Variants in MATN4 observed in about 807,000 individuals in gnomAD.
MATN4 encodes matrilin 4, also known as matrilin-4.
MATN4 carries 40 observed loss-of-function variants against 54.6 expected under a neutral mutation model. The ratio of observed to expected loss-of-function variants is 0.73; its 90% CI spans 0.57 to 0.95. The LOEUF is 0.95. Ranked by LOEUF, MATN4 falls within the 40% of genes least tolerant of loss-of-function variation. MATN4 has a pLI of 0.00. For synonymous variants in MATN4, 351 were observed against 345.3 expected (o/e 1.02, Z -0.18); for missense variants, 810 against 819.1 (o/e 0.99, Z 0.13).
chr20:45,307,254 C>T (rs1426814964), intron 1 of MATN4, among the ~76,000 whole-genome samples: 1 of 152,148 alleles, frequency 6.6e-6, no homozygotes, highest in Non-Finnish European at 1.5e-5. Flanking sequence ...GCCCCTAACC[C>T]AACAGCAGCT....
At position 45,304,553 on chromosome 20, in the gene MATN4, A is replaced by G. The variant is rs1986453702; in HGVS notation, c.318T>C (p.Pro106=). The G allele has an allele frequency of 6.3e-7, 1 of 1,597,360 alleles. No homozygotes were observed. The highest frequency in any genetic ancestry group is 1.1e-5 in the South Asian group (1 of 90,658). Reference sequence around the variant, plus strand: ...GTCCCGTCATGGTGCCTTGCGCCAGAGGCACCAGGTCGCGGATGGCGCGCT... The same window carrying G: ...GTCCCGTCATGGTGCCTTGCGCCAGGGGCACCAGGTCGCGGATGGCGCGCT... ...DMERAIRDLV[P]LAQGTMTGLA... Residue 106 remains proline (P), a synonymous_variant, in exon 3 of 10, where the codon CCT becomes CCC. Transcript: ENST00000372756.
upstream of MATN4, chr20:45,308,415 G>A: frequency 3.3e-6 from 2 of 597,162 alleles, no homozygotes; most frequent in Non-Finnish European, 6.0e-6. Flanking sequence ...CCTGAGGGGG[G>A]GCAAACCCAG....
Position 45,298,248 on chromosome 20 carries a change from G to T in MATN4, c.1348C>A (p.Pro450Thr). 1 of 1,612,382 alleles carries T rather than the reference G, an allele frequency of 6.2e-7. No homozygotes were observed. Among genetic ancestry groups the T allele is most frequent in the African/African-American group, 1.3e-5 (1 of 75,028 alleles). The change falls in exon 7 of 10, where the codon CCT (proline) becomes ACT (threonine). Residue 450 changes from proline to threonine, a missense_variant. Transcript: ENST00000372756. This position sits in a 1 kb window ranked among gnomAD's most constrained non-coding sequence, Gnocchi z 4.6. ...QGARPRALNV[P>T]RVGLVFTDGR... ...TCCGTGAAGACCAGGCCAACACGAG[G>T]CACGTTAAGGGCACGGGGCCGTGCA...
Position 45,293,900 on chromosome 20 carries a change from A to G in MATN4, c.1687+8T>C. 2 of 1,605,734 alleles carry G rather than the reference A, an allele frequency of 1.2e-6. No individual in the cohort carries two copies. The highest frequency in any genetic ancestry group is 1.7e-6 in the Non-Finnish European group (2 of 1,178,910). On this transcript the variant is annotated splice_region_variant and intron_variant, in intron 9 of 9. Transcript: ENST00000372756. ...CCTCCAGCCCGCGCCACCAGCCCCA[A>G]AGGATATGGTTCAGCGTCAGGCTCT...
chr20:45,295,142 T>C (rs1387161872), intron 8 of MATN4, among the ~76,000 whole-genome samples: 1 of 152,212 alleles, frequency 6.6e-6, no homozygotes, highest in Admixed American at 6.5e-5. Flanking sequence ...TGTAATGTGC[T>C]TGAACCATCC....
rs1985649717 is a variant in MATN4, at chr20:45,293,990, C to T, written c.1605G>A (p.Glu535=). The T allele has an allele frequency of 2.5e-6, 4 of 1,602,940 alleles. No homozygotes were observed. Among genetic ancestry groups the T allele is most frequent in the Non-Finnish European group, 3.4e-6 (4 of 1,179,766 alleles). ...CPEEGISAGT[E]LRSPCECESL... is the part of the protein sequence containing the mutation. ...TTTCGCATTCGCATGGGCTCCGAAG[C>T]TCTGTCCCTGCGCTGATGCCCTCCT... The change falls in exon 9 of 10, where the codon GAG becomes GAA. Residue 535 remains glutamate (E), a synonymous_variant. Coordinates refer to ENST00000372756, the MANE Select transcript of MATN4 (RefSeq NM_001393530.1).
intron 1 of MATN4, chr20:45,307,060 G>A (rs1258184405): frequency 7.2e-6 from 4 of 554,820 alleles, no homozygotes; most frequent in African/African-American, 4.8e-5. Flanking sequence ...GAGGCAGCCC[G>A]CCGAACTGCA....
chr20:45,299,505 T>C (rs1240808996), intron 6 of MATN4, among the ~76,000 whole-genome samples: 2 of 152,174 alleles, frequency 1.3e-5, no homozygotes, highest in Non-Finnish European at 1.5e-5. Context: ...CTTTATGTGA[T>C]AGTCTCCGGA....
rs767116071 is a variant in MATN4, at chr20:45,304,328, C to A, written c.543G>T (p.Leu181=). 6.6e-7 allele frequency: 1 copy of A among 1,518,688 alleles called. No individual in the cohort carries two copies. The highest frequency in any genetic ancestry group is 1.4e-5 in the African/African-American group (1 of 69,810). The allele number at this position is 1,518,688 out of a possible 1,614,324, so 94.1% of individuals were successfully genotyped here. The change falls in exon 3 of 10, where the codon CTG becomes CTT. Residue 181 remains leucine (L), a synonymous_variant. Coordinates refer to ENST00000372756, the MANE Select transcript of MATN4 (RefSeq NM_001393530.1). ...CTAGCGGGGGCGATGCCATGGCGCG[C>A]AGGGAGCCCACGTCCGCGCGCTGCA... ...VGVQRADVGS[L]RAMASPPLDE...
At chr20:45,294,983 T>C (rs911650138) in intron 8 of MATN4, among the ~76,000 whole-genome samples, 3 of 152,180 alleles carry the variant, frequency 2.0e-5, no homozygotes, top group Non-Finnish European at 4.4e-5. Context: ...TGCCTGATGA[T>C]CTGTCACTGT....
At position 45,308,182 on chromosome 20, in the gene MATN4, T is replaced by C; in HGVS notation, c.-42A>G. The C allele has an allele frequency of 6.2e-7, 1 of 1,614,050 alleles. No homozygotes were observed. Among genetic ancestry groups the C allele is most frequent in the East Asian group, 2.2e-5 (1 of 44,876 alleles). ...CCCAATCCTTTGACTCACCTGAGCC[T>C]GCAGGACAGATCAGAGATGCAGCTG... On this transcript the variant is annotated 5_prime_UTR_variant, in exon 1 of 10. Transcript: ENST00000372756.
At chr20:45,296,319 T>C (rs1452213087) in intron 8 of MATN4, among the ~76,000 whole-genome samples, 1 of 148,236 alleles carries the variant, frequency 6.7e-6, no homozygotes, top group African/African-American at 2.5e-5. Flanking sequence ...GGATTACACG[T>C]GGTGAAATAA....
intron 3 of MATN4, among the ~76,000 whole-genome samples, chr20:45,301,901 T>C (rs1600697935): frequency 6.6e-6 from 1 of 150,850 alleles, no homozygotes; most frequent in Admixed American, 6.6e-5. Flanking sequence ...AGTATGAAGA[T>C]GAGTAACTCT....
chr20:45,301,092 C>G lies in MATN4; in HGVS notation c.889+10G>C. On this transcript the variant is annotated intron_variant, in intron 5 of 9. Transcript: ENST00000372756. Reference sequence around the variant, plus strand: ...TACCCCTCCCACAAATGTAGGAGAGCCCTCCTCACCCTGACAGCTCCTCCC... The same window carrying G: ...TACCCCTCCCACAAATGTAGGAGAGGCCTCCTCACCCTGACAGCTCCTCCC... 3 of 1,614,066 alleles carry G rather than the reference C, an allele frequency of 1.9e-6. No homozygotes were observed. Among genetic ancestry groups the G allele is most frequent in the Admixed American group, 1.7e-5 (1 of 60,024 alleles).
chr20:45,294,018 G>A lies in MATN4; in HGVS notation c.1580-3C>T. Reference sequence around the variant, plus strand: ...TGTCCCTGCGCTGATGCCCTCCTCTGCAAGCCGGACACAGAGGGTCAGGGG... The same window carrying A: ...TGTCCCTGCGCTGATGCCCTCCTCTACAAGCCGGACACAGAGGGTCAGGGG... On this transcript the variant is annotated splice_polypyrimidine_tract_variant and splice_region_variant and intron_variant, in intron 8 of 9. Transcript: ENST00000372756. 2 of 1,598,976 alleles carry A rather than the reference G, an allele frequency of 1.3e-6. No individual in the cohort carries two copies. The highest frequency in any genetic ancestry group is 1.7e-6 in the Non-Finnish European group (2 of 1,178,102).
chr20:45,294,019 C>G lies in MATN4; in HGVS notation c.1580-4G>C, dbSNP rs1184297904. ...GTCCCTGCGCTGATGCCCTCCTCTG[C>G]AAGCCGGACACAGAGGGTCAGGGGG... On this transcript the variant is annotated splice_polypyrimidine_tract_variant and splice_region_variant and intron_variant, in intron 8 of 9. Transcript: ENST00000372756. 1.5e-5 allele frequency: 24 copies of G among 1,597,448 alleles called. No individual in the cohort carries two copies. The highest frequency in any genetic ancestry group is 2.0e-5 in the Non-Finnish European group (24 of 1,176,804).
At chr20:45,305,320 C>T (rs2072787) in intron 2 of MATN4, among the ~76,000 whole-genome samples, 190 bp downstream of exon 2, 38,208 of 152,182 alleles carry the variant, frequency 0.25, 6,172 homozygotes, top group East Asian at 0.74. Flanking sequence ...GTTCTGCATG[C>T]GCCCAAAACT....
intron 3 of MATN4, among the ~76,000 whole-genome samples, chr20:45,302,890 C>A (rs1432911293): frequency 6.6e-6 from 1 of 152,122 alleles, no homozygotes; most frequent in Non-Finnish European, 1.5e-5. Flanking sequence ...CGAGACCAGC[C>A]TAGCCAACAT....
chr20:45,297,063 C>T (rs1016847559), intron 8 of MATN4, among the ~76,000 whole-genome samples: 66 of 151,862 alleles, frequency 4.3e-4, no homozygotes, highest in African/African-American at 1.5e-3. Context: ...AACTCCTGAT[C>T]TCAAGTGATC....
Sources: allele counts gnomAD v4.1 joint callset (sites outside exome capture counted in the v4.1 genomes callset), GRCh38; gene constraint gnomAD v4.1.1; non-coding constraint Gnocchi (gnomAD v3.1); transcripts MANE v1.5; gene names NCBI Gene and HGNC (gene_info 2026-07-23, HGNC 2026-07-21).